The following FBXO44 variants were observed in gnomAD, a reference collection of about 807,000 sequenced individuals.
FBXO44 encodes F-box only protein 44.
A neutral mutation model predicts 33.5 loss-of-function variants in FBXO44; 25 were observed. The ratio of observed to expected loss-of-function variants is 0.75; its 90% CI spans 0.54 to 1.04. The LOEUF (loss-of-function observed/expected upper bound fraction) is 1.04, where lower values mean the gene tolerates loss of function less well. Among genes scored for constraint, FBXO44 ranks in the 50% least tolerant of loss-of-function variants. The probability of loss-of-function intolerance (pLI) is 0.00; values close to 1 mark genes in which losing one functional copy is unlikely to be tolerated. For synonymous variants in FBXO44, 147 were observed against 152.8 expected (o/e 0.96, Z 0.28); for missense variants, 311 against 344.0 (o/e 0.90, Z 0.76).
Position 11,658,407 on chromosome 1 carries a change from A to G in FBXO44, c.392+14A>G. 1 of 1,613,772 alleles carries G rather than the reference A, an allele frequency of 6.2e-7. No individual in the cohort carries two copies. The highest frequency in any genetic ancestry group is 8.5e-7 in the Non-Finnish European group (1 of 1,179,956). ...TACTTCATATTAGTAAGATCCGGGG[A>G]CTTGGGGTAGGGGAAAGCCCAAATC... is the stretch of plus-strand genomic sequence containing the variant. On this transcript the variant is annotated intron_variant, in intron 3 of 5. Transcript: ENST00000251547.
chr1:11,657,860 C>G (rs746617470), intron 2 of FBXO44, among the ~76,000 whole-genome samples: 1 of 152,200 alleles, frequency 6.6e-6, no homozygotes, highest in Non-Finnish European at 1.5e-5. Context: ...CATTTTGGCA[C>G]TTTGCCAAAA....
intron 4 of FBXO44, 24 bp downstream of exon 4, chr1:11,658,652 G>C: frequency 6.2e-7 from 1 of 1,608,346 alleles, no homozygotes; most frequent in Non-Finnish European, 8.5e-7. Context: ...GCGAGGGTCT[G>C]GGGTGGGGCA....
At position 11,658,255 on chromosome 1, in the gene FBXO44, CT is replaced by C. The variant is rs771227985; in HGVS notation, c.266-8del. 2.5e-6 allele frequency: 4 copies of C among 1,613,532 alleles called. No individual in the cohort carries two copies. Among genetic ancestry groups the C allele is most frequent in the South Asian group, 2.2e-5 (2 of 91,026 alleles). ...GGGCTTCCCTTCAGTGTGAACTCTGCTTTTCCATCAGAGGGGTTCGAGTTCT... is the reference window on the plus strand; with the variant it reads ...GGGCTTCCCTTCAGTGTGAACTCTGCTTTCCATCAGAGGGGTTCGAGTTCT... On this transcript the variant is annotated splice_polypyrimidine_tract_variant and intron_variant, in intron 2 of 5. Coordinates refer to ENST00000251547, the MANE Select transcript of FBXO44 (RefSeq NM_033182.7).
In FBXO44 at chr1:11,662,675, CAGTT is replaced by C. The variant is rs1640254468; in HGVS notation, c.*1403_*1406del. On this transcript the variant is annotated 3_prime_UTR_variant, in exon 6 of 6. Coordinates refer to ENST00000251547, the MANE Select transcript of FBXO44 (RefSeq NM_033182.7). ...AGCATTTAGAATGGTGCCTGGCACA[CAGTT>C]GGTGCGTGATATGGTTAAGCTTTGT... is the stretch of plus-strand genomic sequence containing the variant. 6.6e-6 allele frequency: 1 copy of C among 152,276 alleles called. No individual in the cohort carries two copies. The highest frequency in any genetic ancestry group is 2.4e-5 in the African/African-American group (1 of 41,464). The allele number at this position is 152,276 out of a possible 1,614,324, so 9.4% of individuals were successfully genotyped here. A position where few individuals can be genotyped will look rare whatever the true frequency, so the allele number is the denominator to read the frequency against.
In FBXO44 at chr1:11,658,881, C is replaced by T; in HGVS notation, c.624+10C>T. 2 of 1,603,788 alleles carry T rather than the reference C, an allele frequency of 1.2e-6. No homozygotes were observed. Among genetic ancestry groups the T allele is most frequent in the Non-Finnish European group, 8.5e-7 (1 of 1,179,854 alleles). On this transcript the variant is annotated intron_variant, in intron 5 of 5. Coordinates refer to ENST00000251547, the MANE Select transcript of FBXO44 (RefSeq NM_033182.7). The stretch of plus-strand genomic sequence containing the variant: ...TGCCAAGTGGAGGGAGGTGCGTGGG[C>T]CTGGGGGACGGGGGCAGAGGCAGAT...
At position 11,661,106 on chromosome 1, in the gene FBXO44, T is replaced by TC. The variant is rs763920664; in HGVS notation, c.625-18dup. On this transcript the variant is annotated intron_variant, in intron 5 of 5. Transcript: ENST00000251547. This position sits in a 1 kb window ranked among gnomAD's most constrained non-coding sequence, Gnocchi z 4.4. ...CCTGAGTCAGCTCCCTTGACCTTTC[T>TC]CCCCCCTCTACCTGCCCTGCCAGGT... is the stretch of plus-strand genomic sequence containing the variant. The TC allele has an allele frequency of 6.3e-6, 10 of 1,598,840 alleles. No individual in the cohort carries two copies. Among genetic ancestry groups the TC allele is most frequent in the Non-Finnish European group, 8.6e-6 (10 of 1,168,854 alleles).
rs1640189458 is a variant in FBXO44, at chr1:11,661,516, G to A, written c.*243G>A. Reference sequence around the variant, plus strand: ...GGGAAGCCTGCGTGTGCCCCTTTCAGAGACGGAGCACCTGAGATGTGGGAG... The same window carrying A: ...GGGAAGCCTGCGTGTGCCCCTTTCAAAGACGGAGCACCTGAGATGTGGGAG... On this transcript the variant is annotated 3_prime_UTR_variant, in exon 6 of 6. Transcript: ENST00000251547. The surrounding 1 kb of genome is among the most constrained non-coding windows in gnomAD (Gnocchi z 4.4). 1 of 528,462 alleles carries A rather than the reference G, an allele frequency of 1.9e-6. No homozygotes were observed. Among genetic ancestry groups the A allele is most frequent in the African/African-American group, 1.9e-5 (1 of 52,966 alleles). 32.7% of individuals were successfully genotyped at this position (528,462 alleles called of 1,614,324 possible). A position where few individuals can be genotyped will look rare whatever the true frequency, so the allele number is the denominator to read the frequency against.
Position 11,658,594 on chromosome 1 carries a change from G to T in FBXO44, c.454G>T (p.Asp152Tyr). The T allele has an allele frequency of 1.9e-6, 3 of 1,613,494 alleles. No individual in the cohort carries two copies. The highest frequency in any genetic ancestry group is 2.2e-5 in the South Asian group (2 of 91,044). The part of the protein sequence containing the change: ...KAEGYWEELM[D>Y]TTRPDIEVKD... ...CGAAGGGTATTGGGAGGAGCTGATG[G>T]ATACCACACGGCCGGACATCGAGGT... Residue 152 changes from aspartate to tyrosine, a missense_variant, in exon 4 of 6, where the codon GAT becomes TAT. Asp to Tyr is a radical substitution (Grantham distance 160, BLOSUM62 -3). Transcript: ENST00000251547.
chr1:11,663,311 T>C lies in FBXO44; in HGVS notation c.*2038T>C, dbSNP rs1640290697. The C allele has an allele frequency of 1.3e-5, 2 of 152,248 alleles. No individual in the cohort carries two copies. Among genetic ancestry groups the C allele is most frequent in the South Asian group, 4.1e-4 (2 of 4,834 alleles). 9.4% of individuals were successfully genotyped at this position (152,248 alleles called of 1,614,324 possible). A position where few individuals can be genotyped will look rare whatever the true frequency, so the allele number is the denominator to read the frequency against. On this transcript the variant is annotated 3_prime_UTR_variant, in exon 6 of 6. Transcript: ENST00000251547. Reference sequence around the variant, plus strand: ...TGGAACTATAAGTCAATTAAACCTCTTTCCTTTTATAAATCACCCAGTCTC... The same window carrying C: ...TGGAACTATAAGTCAATTAAACCTCCTTCCTTTTATAAATCACCCAGTCTC...
chr1:11,655,805 G>A lies in FBXO44; in HGVS notation c.-30-1G>A, dbSNP rs1235541467. 1.9e-6 allele frequency: 3 copies of A among 1,607,094 alleles called. No individual in the cohort carries two copies. The Admixed American group carries it at 5.0e-5, about 27-fold the overall frequency. ...AGGCCTGCAGCATAGCTTTTCAACA[G>A]CTACAGGAGGGTGTCCAGAAGCCAC... On this transcript the variant is annotated splice_acceptor_variant, in intron 1 of 5. Transcript: ENST00000251547. LOFTEE classifies it low-confidence loss of function (5UTR_SPLICE).
In FBXO44 at chr1:11,658,599, C is replaced by G; in HGVS notation, c.459C>G (p.Thr153=). The change falls in exon 4 of 6, where the codon ACC becomes ACG. Residue 153 remains threonine, a synonymous_variant. Transcript: ENST00000251547. Reference sequence around the variant, plus strand: ...GGTATTGGGAGGAGCTGATGGATACCACACGGCCGGACATCGAGGTCAAGG... The same window carrying G: ...GGTATTGGGAGGAGCTGATGGATACGACACGGCCGGACATCGAGGTCAAGG... ...AEGYWEELMD[T]TRPDIEVKDW... The G allele has an allele frequency of 1.9e-6, 3 of 1,613,576 alleles. No homozygotes were observed. The highest frequency in any genetic ancestry group is 2.5e-6 in the Non-Finnish European group (3 of 1,180,012).
intron 1 of FBXO44, 50 bp downstream of exon 1, chr1:11,655,002 G>A (rs1639672440): frequency 6.6e-6 from 1 of 151,846 alleles, no homozygotes; most frequent in African/African-American, 2.4e-5. Context: ...GGCGCGGCTG[G>A]GCGGGGGCTG....
At position 11,661,084 on chromosome 1, in the gene FBXO44, G is replaced by C. The variant is rs1288349888; in HGVS notation, c.625-46G>C. ...CGGTGTGAGCCGCCACACCCAGCCTGAGTCAGCTCCCTTGACCTTTCTCCC... is the reference window on the plus strand; with the variant it reads ...CGGTGTGAGCCGCCACACCCAGCCTCAGTCAGCTCCCTTGACCTTTCTCCC... On this transcript the variant is annotated intron_variant, in intron 5 of 5. Transcript: ENST00000251547. The surrounding 1 kb of genome is among the most constrained non-coding windows in gnomAD (Gnocchi z 4.4). 1.5e-5 allele frequency: 23 copies of C among 1,570,502 alleles called. No individual in the cohort carries two copies. Among genetic ancestry groups the C allele is most frequent in the Non-Finnish European group, 1.7e-5 (20 of 1,150,050 alleles).
intron 2 of FBXO44, among the ~76,000 whole-genome samples, chr1:11,657,272 T>A (rs184444866): frequency 6.6e-6 from 1 of 152,226 alleles, no homozygotes; most frequent in African/African-American, 2.4e-5. Flanking sequence ...CCTACAATAT[T>A]TTCGCACTTT....
intron 5 of FBXO44, among the ~76,000 whole-genome samples, chr1:11,659,508 A>G (rs1424929169): frequency 6.6e-6 from 1 of 152,126 alleles, no homozygotes; most frequent in African/African-American, 2.4e-5. Context: ...GTTTGTTTTA[A>G]TTTACTTAAC....
upstream of FBXO44, chr1:11,654,456 T>C (rs1639627411): frequency 3.6e-6 from 4 of 1,119,424 alleles, no homozygotes; most frequent in Non-Finnish European, 4.6e-6. Context: ...CCGCGCCTCT[T>C]AAAGGCCCCC....
chr1:11,656,093 C>T lies in FBXO44; in HGVS notation c.258C>T (p.Cys86=), dbSNP rs764991568. The change falls in exon 2 of 6, where the codon TGC becomes TGT. Residue 86 remains cysteine, a synonymous_variant. Coordinates refer to ENST00000251547, the MANE Select transcript of FBXO44 (RefSeq NM_033182.7). ...ACAGGAACCTCCTGCACAACCCGTGCGCTGAAGGTGGGGTACAGGCCGGGT... is the reference window on the plus strand; with the variant it reads ...ACAGGAACCTCCTGCACAACCCGTGTGCTGAAGGTGGGGTACAGGCCGGGT... The part of the protein sequence containing the change: ...SLHRNLLHNP[C]AEEGFEFWSL... 22 of 1,613,522 alleles carry T rather than the reference C, an allele frequency of 1.4e-5. No homozygotes were observed. Among genetic ancestry groups the T allele is most frequent in the Middle Eastern group, 3.3e-4 (2 of 6,058 alleles).
rs763911910 is a variant in FBXO44, at chr1:11,655,928, C to T, written c.93C>T (p.Arg31=). Residue 31 remains arginine (R), a synonymous_variant, in exon 2 of 6, where the codon CGC becomes CGT. Transcript: ENST00000251547. The part of the protein sequence containing the change: ...VPARQLLLNC[R]LVCSLWRDLI... Reference sequence around the variant, plus strand: ...CCCGCCAGCTGCTGCTGAACTGCCGCCTGGTCTGCAGCCTCTGGCGGGACC... The same window carrying T: ...CCCGCCAGCTGCTGCTGAACTGCCGTCTGGTCTGCAGCCTCTGGCGGGACC... 1.2e-6 allele frequency: 2 copies of T among 1,613,998 alleles called. No individual in the cohort carries two copies. Among genetic ancestry groups the T allele is most frequent in the South Asian group, 2.2e-5 (2 of 91,082 alleles).
intron 5 of FBXO44, among the ~76,000 whole-genome samples, chr1:11,660,215 T>G (rs1364500510): frequency 6.6e-6 from 1 of 152,212 alleles, no homozygotes; most frequent in Non-Finnish European, 1.5e-5. Flanking sequence ...CAGGTTGGAG[T>G]GCAGTGACGC....
Sources: gnomAD v4.1 joint callset for allele counts (sites outside exome capture counted in the v4.1 genomes callset) on GRCh38, gnomAD v4.1.1 for gene constraint, Gnocchi (gnomAD v3.1) non-coding constraint, MANE v1.5 for transcripts, NCBI Gene and HGNC (gene_info 2026-07-23, HGNC 2026-07-21) for gene names.